TENM2: variants seen among roughly 807,000 people sequenced by gnomAD.
The protein encoded by TENM2 is teneurin transmembrane protein 2.
In TENM2, 52 loss-of-function variants were observed where a neutral mutation model predicts 245.2. That is an observed-to-expected ratio of 0.21 (90% confidence interval 0.17 to 0.27). TENM2 has a LOEUF of 0.27. TENM2 is among the 10% of genes least tolerant of loss of function. The probability of loss-of-function intolerance (pLI) is 1.00; values close to 1 mark genes in which losing one functional copy is unlikely to be tolerated. For synonymous variants in TENM2, 1,363 were observed against 1,438.9 expected, an observed-to-expected ratio of 0.95 and a Z score of 1.19; for missense variants, 3,046 against 3,666.8, an observed-to-expected ratio of 0.83 and a Z score of 4.37.
At chr5:167,817,450 T>C (rs530005767) in intron 2 of TENM2, among the ~76,000 whole-genome samples, 13 of 152,322 alleles carry the variant, frequency 8.5e-5, no homozygotes, top group African/African-American at 3.1e-4. Context: ...ATAACTTATA[T>C]GTGTGATGCC....
chr5:167,837,823 C>T (rs1377520777), intron 2 of TENM2, among the ~76,000 whole-genome samples: 1 of 151,722 alleles, frequency 6.6e-6, no homozygotes, highest in Non-Finnish European at 1.5e-5. Flanking sequence ...TTTTCTGCCA[C>T]CTTCACGCTC....
At chr5:167,554,936 G>A (rs1247089685) in intron 2 of TENM2, among the ~76,000 whole-genome samples, 2 of 152,112 alleles carry the variant, frequency 1.3e-5, no homozygotes, top group Non-Finnish European at 2.9e-5. Flanking sequence ...GGGAGTGTGA[G>A]TAGGAAAGCA....
intron 2 of TENM2, among the ~76,000 whole-genome samples, chr5:167,452,442 A>T (rs749034765): frequency 3.3e-5 from 5 of 152,162 alleles, no homozygotes; most frequent in Non-Finnish European, 7.3e-5. Context: ...TCCAGAGGAA[A>T]GATGTGGGTT....
Position 167,626,716 on chromosome 5 carries a change from A to G in TENM2, c.503-249270A>G, listed in dbSNP as rs199602924. Reference sequence around the variant, plus strand: ...GAAATCTAAAAAGCACTCGAAAAGGACAACACCAAGCAAAAGGGAAATCAT... The same window carrying G: ...GAAATCTAAAAAGCACTCGAAAAGGGCAACACCAAGCAAAAGGGAAATCAT... On this transcript the variant is annotated intron_variant, in intron 2 of 28. Transcript: ENST00000518659. Among the ~76,000 whole-genome samples the G allele has an allele frequency of 3.3e-5, 5 of 152,182 alleles. No individual in the cohort carries two copies. In the East Asian group the frequency reaches 7.7e-4, roughly 23 times the overall value.
At chr5:167,842,722 AC>A (rs1200596177) in intron 2 of TENM2, among the ~76,000 whole-genome samples, 1 of 151,658 alleles carries the variant, frequency 6.6e-6, no homozygotes, top group Non-Finnish European at 1.5e-5. Flanking sequence ...CCATTATACC[AC>A]TCAAGGAGCT....
At chr5:167,406,433 A>G (rs1762640699) in intron 2 of TENM2, among the ~76,000 whole-genome samples, 1 of 152,176 alleles carries the variant, frequency 6.6e-6, no homozygotes, top group Admixed American at 6.6e-5. Context: ...TCTGAAGTAG[A>G]GTAGATTGAG....
At chr5:167,457,409 C>G (rs566279536) in intron 2 of TENM2, among the ~76,000 whole-genome samples, 89 of 151,498 alleles carry the variant, frequency 5.9e-4, no homozygotes, top group Non-Finnish European at 8.7e-4. Flanking sequence ...CTCAGCTCAC[C>G]GCAACCTCCA....
intron 2 of TENM2, among the ~76,000 whole-genome samples, chr5:167,526,599 A>AAT (rs1292783821): frequency 6.6e-6 from 1 of 151,988 alleles, no homozygotes; most frequent in East Asian, 1.9e-4. Context: ...CTTTAGAATC[A>AAT]ATATATATTT....
chr5:167,416,039 A>G (rs192609655), intron 2 of TENM2, among the ~76,000 whole-genome samples: 301 of 152,312 alleles, frequency 2.0e-3, no homozygotes, highest in African/African-American at 7.0e-3. Context: ...TTGGAGAGCC[A>G]AGGACTTTTC....
intron 12 of TENM2, among the ~76,000 whole-genome samples, chr5:168,146,779 G>T (rs1342714465): frequency 6.6e-6 from 1 of 152,202 alleles, no homozygotes; most frequent in Non-Finnish European, 1.5e-5. Context: ...TGTGTGAAAG[G>T]CTTATCTGTC....
chr5:167,105,950 T>TGTGTGCAA, the TENM2 span, among the ~76,000 whole-genome samples: 414 of 136,528 alleles, frequency 3.0e-3, 4 homozygotes, highest in African/African-American at 0.011. Flanking sequence ...AGGAGGAATG[T>TGTGTGCAA]GTGTGCAAGC....
chr5:167,981,707 G>T (rs969727381), intron 4 of TENM2, among the ~76,000 whole-genome samples: 1 of 152,152 alleles, frequency 6.6e-6, no homozygotes, highest in Non-Finnish European at 1.5e-5. Context: ...CCTTGGCCAG[G>T]CATGGTGGCT....
At chr5:168,231,986 G>C (rs543050926) in intron 25 of TENM2, among the ~76,000 whole-genome samples, 2 of 152,098 alleles carry the variant, frequency 1.3e-5, no homozygotes, top group South Asian at 4.2e-4. Context: ...AGGACTGCTT[G>C]AGCACAGGAG....
chr5:167,831,738 T>C (rs898673409), intron 2 of TENM2, among the ~76,000 whole-genome samples: 3 of 152,194 alleles, frequency 2.0e-5, no homozygotes, highest in African/African-American at 7.2e-5. Flanking sequence ...GTCTAAATGC[T>C]TTTAAGCATC....
At chr5:167,248,616 T>G in the TENM2 span, among the ~76,000 whole-genome samples, 1 of 152,108 alleles carries the variant, frequency 6.6e-6, no homozygotes, top group Non-Finnish European at 1.5e-5. Flanking sequence ...TCCATAAGTT[T>G]GAATTGATGC....
the TENM2 span, among the ~76,000 whole-genome samples, chr5:167,114,073 A>T: frequency 6.6e-6 from 1 of 152,150 alleles, no homozygotes; most frequent in Admixed American, 6.5e-5. Flanking sequence ...CAATTTTTCA[A>T]TGTTATGACT....
the TENM2 span, among the ~76,000 whole-genome samples, chr5:167,151,375 A>G: frequency 6.6e-6 from 1 of 152,158 alleles, no homozygotes; most frequent in Non-Finnish European, 1.5e-5. Flanking sequence ...CCAACATTTC[A>G]CTTTTCTGAC....
At chr5:167,868,515 G>A (rs1409069249) in intron 2 of TENM2, among the ~76,000 whole-genome samples, 3 of 151,902 alleles carry the variant, frequency 2.0e-5, no homozygotes, top group Non-Finnish European at 2.9e-5. Flanking sequence ...GAGGTGGGCG[G>A]ATCACCTGAG....
intron 4 of TENM2, among the ~76,000 whole-genome samples, chr5:167,955,608 G>A (rs191703406): frequency 1.1e-3 from 163 of 152,176 alleles, no homozygotes; most frequent in African/African-American, 3.6e-3. Context: ...TAGGTTTTGT[G>A]TTTAAGTCTT....
Sources: gnomAD v4.1 joint callset for allele counts (sites outside exome capture counted in the v4.1 genomes callset) on GRCh38, gnomAD v4.1.1 for gene constraint, MANE v1.5 for transcripts, NCBI Gene and HGNC (gene_info 2026-07-23, HGNC 2026-07-21) for gene names.